LSAMP: variants seen among roughly 807,000 people sequenced by gnomAD.
LSAMP encodes the protein limbic system associated membrane protein.
Under a neutral mutation model 38.6 loss-of-function variants are expected in LSAMP, and 7 were observed. The ratio of observed to expected loss-of-function variants is 0.18; its 90% CI spans 0.10 to 0.34. LSAMP has a LOEUF of 0.34. Ranked by LOEUF, LSAMP falls within the 10% of genes least tolerant of loss-of-function variation. The pLI is 1.00. For synonymous variants in LSAMP, 154 were observed against 166.8 expected, an observed-to-expected ratio of 0.92 and a Z score of 0.59; for missense variants, 313 against 420.0, an observed-to-expected ratio of 0.75 and a Z score of 2.23.
intron 4 of LSAMP, among the ~76,000 whole-genome samples, chr3:115,844,426 T>C (rs1935092903): frequency 6.6e-6 from 1 of 152,134 alleles, no homozygotes; most frequent in Non-Finnish European, 1.5e-5. Flanking sequence ...TTTATCTTTT[T>C]AAAAAAGAAG....
rs56000131 is a variant in LSAMP at position 115,809,893 on chromosome 3, C to CA, written c.*423dup. ...TAAAAGGTTATGGAAATATAAACACCAAAGGCAAGACCTTATTTTCTTCCC... is the reference window on the plus strand; with the variant it reads ...TAAAAGGTTATGGAAATATAAACACCAAAAGGCAAGACCTTATTTTCTTCCC... On this transcript the variant is annotated 3_prime_UTR_variant, in exon 7 of 7. Transcript: ENST00000490035. 0.12 allele frequency: 19,188 copies of CA among 156,110 alleles called. 2,000 individuals carry two copies. Among genetic ancestry groups the CA allele is most frequent in the African/African-American group, 0.29 (12,171 of 41,418 alleles). The allele number at this position is 156,110 out of a possible 1,614,324, so 9.7% of individuals were successfully genotyped here.
At chr3:115,873,345 T>G (rs1268098624) in intron 3 of LSAMP, among the ~76,000 whole-genome samples, 1 of 148,408 alleles carries the variant, frequency 6.7e-6, no homozygotes, top group Non-Finnish European at 1.5e-5. Context: ...ATCACACCAC[T>G]GCACTCCAGC....
chr3:116,245,789 T>C (rs1454484120), intron 1 of LSAMP, among the ~76,000 whole-genome samples: 4 of 152,286 alleles, frequency 2.6e-5, no homozygotes, highest in African/African-American at 9.6e-5. Flanking sequence ...GCACACAAGT[T>C]TTGATTCTAA....
chr3:116,393,370 T>G lies in LSAMP; in HGVS notation c.155+51507A>C, dbSNP rs550860783. Among the ~76,000 whole-genome samples the G allele has an allele frequency of 2.6e-5, 4 of 152,312 alleles. No individual in the cohort carries two copies. In the South Asian group the frequency reaches 6.2e-4, roughly 24 times the overall value. On this transcript the variant is annotated intron_variant, in intron 1 of 6. Coordinates refer to ENST00000490035, the MANE Select transcript of LSAMP (RefSeq NM_002338.5). ...CGGCTTGCAGTGCATCTGGTCTAGC[T>G]GCAGCCTCACAGAGAACCAGTGCCC...
At chr3:116,268,559 T>C (rs2046924908) in intron 1 of LSAMP, among the ~76,000 whole-genome samples, 1 of 152,024 alleles carries the variant, frequency 6.6e-6, no homozygotes, top group South Asian at 2.1e-4. Context: ...CTGTAACTGG[T>C]GGGGATATGA....
chr3:115,935,389 G>A (rs549916724), intron 3 of LSAMP, among the ~76,000 whole-genome samples: 1 of 152,284 alleles, frequency 6.6e-6, no homozygotes, highest in East Asian at 1.9e-4. Context: ...AGAGAGTCAA[G>A]TGGAATGAAC....
At chr3:116,228,213 TAA>T (rs1280975276) in intron 1 of LSAMP, among the ~76,000 whole-genome samples, 4 of 152,112 alleles carry the variant, frequency 2.6e-5, no homozygotes, top group Non-Finnish European at 1.5e-5. Flanking sequence ...ATACTCTTCA[TAA>T]AGTTTTCTAC....
intron 3 of LSAMP, among the ~76,000 whole-genome samples, chr3:115,908,963 G>C (rs896638103): frequency 1.3e-5 from 2 of 152,094 alleles, no homozygotes; most frequent in African/African-American, 4.8e-5. Flanking sequence ...TGTTTGTCTT[G>C]TATCCCATGA....
chr3:116,277,580 C>A (rs2047073058), intron 1 of LSAMP, among the ~76,000 whole-genome samples: 1 of 152,210 alleles, frequency 6.6e-6, no homozygotes, highest in Non-Finnish European at 1.5e-5. Flanking sequence ...ACCATGTTAG[C>A]CAGAATGGTC....
At chr3:116,429,121 C>T (rs1392766874) in intron 1 of LSAMP, among the ~76,000 whole-genome samples, 1 of 152,222 alleles carries the variant, frequency 6.6e-6, no homozygotes, top group Non-Finnish European at 1.5e-5. Context: ...TGCATAAATG[C>T]TTCTTTCACT....
chr3:116,273,813 T>TTCTC (rs1553719974), intron 1 of LSAMP, among the ~76,000 whole-genome samples: 1 of 136,816 alleles, frequency 7.3e-6, no homozygotes, highest in Non-Finnish European at 1.5e-5. Flanking sequence ...TTTTCTTTCT[T>TTCTC]TCTCTCTCTC....
At chr3:116,357,319 G>A (rs1007794774) in intron 1 of LSAMP, among the ~76,000 whole-genome samples, 1 of 152,066 alleles carries the variant, frequency 6.6e-6, no homozygotes, top group South Asian at 2.1e-4. Flanking sequence ...TTATTAAAAA[G>A]TAATTATTTC....
chr3:116,100,335 C>T (rs909069180), intron 1 of LSAMP, among the ~76,000 whole-genome samples: 1 of 152,124 alleles, frequency 6.6e-6, no homozygotes, highest in Non-Finnish European at 1.5e-5. Context: ...TTGCCTCAGC[C>T]TCCCAAAGTG....
chr3:116,354,751 A>G (rs1306680053), intron 1 of LSAMP, among the ~76,000 whole-genome samples: 25 of 152,162 alleles, frequency 1.6e-4, no homozygotes, highest in Admixed American at 1.6e-3. Context: ...GGTATCATCA[A>G]TGGTTTTGTA....
At chr3:116,075,143 T>TA (rs1410592514) in intron 2 of LSAMP, among the ~76,000 whole-genome samples, 1 of 149,758 alleles carries the variant, frequency 6.7e-6, no homozygotes. Context: ...CAGCCATTTT[T>TA]TTTTTTTTTT....
At chr3:116,219,019 A>G (rs558055419) in intron 1 of LSAMP, among the ~76,000 whole-genome samples, 1 of 152,344 alleles carries the variant, frequency 6.6e-6, no homozygotes, top group Admixed American at 6.5e-5. Flanking sequence ...ATTGCTTACT[A>G]TAAGTACCAT....
chr3:116,250,731 A>T (rs1448201701), intron 1 of LSAMP, among the ~76,000 whole-genome samples: 1 of 150,920 alleles, frequency 6.6e-6, no homozygotes, highest in Non-Finnish European at 1.5e-5. Context: ...TCAGCTAGGT[A>T]TGGTGGCATG....
At chr3:116,005,557 C>A (rs568419078) in intron 3 of LSAMP, among the ~76,000 whole-genome samples, 1 of 152,330 alleles carries the variant, frequency 6.6e-6, no homozygotes, top group Admixed American at 6.5e-5. Flanking sequence ...CAACATCACA[C>A]ACTAGCCTCA....
intron 3 of LSAMP, among the ~76,000 whole-genome samples, chr3:115,881,622 T>C (rs578161105): frequency 1.3e-5 from 2 of 152,284 alleles, no homozygotes; most frequent in South Asian, 2.1e-4. Context: ...GTTGTTTATA[T>C]TCACTTGCTA....
Sources: gnomAD v4.1 joint callset for allele counts (sites outside exome capture counted in the v4.1 genomes callset) on GRCh38, gnomAD v4.1.1 for gene constraint, MANE v1.5 for transcripts, NCBI Gene and HGNC (gene_info 2026-07-23, HGNC 2026-07-21) for gene names.